The following ZNF469 variants were observed in gnomAD, a reference collection of about 807,000 sequenced individuals.
ZNF469 encodes the protein zinc finger protein 469.
In ZNF469, 1 loss-of-function variant was observed where a neutral mutation model predicts 1.0. That is an observed-to-expected ratio of 1.00 (90% CI 0.35 to 4.73). The LOEUF is 4.73. ZNF469 is among the 30% of genes most tolerant of loss of function. The pLI is 0.16. For synonymous variants in ZNF469, 2,703 were observed against 2,363.4 expected (o/e 1.14, Z -4.17); for missense variants, 6,100 against 5,356.3 (o/e 1.14, Z -4.33).
chr16:88,110,423 G>C, the ZNF469 span, among the ~76,000 whole-genome samples: 1 of 152,384 alleles, frequency 6.6e-6, no homozygotes, highest in East Asian at 1.9e-4. Flanking sequence ...TTCTCTGGCA[G>C]GGGCTGGCTC....
chr16:88,428,266 G>C lies in ZNF469; in HGVS notation c.796G>C (p.Gly266Arg). 6.4e-7 allele frequency: 1 copy of C among 1,550,402 alleles called. No homozygotes were observed. Among genetic ancestry groups the C allele is most frequent in the Admixed American group, 2.0e-5 (1 of 51,008 alleles). ...EPIPKGSRPG[G>R]SPRGVSFQFP... is the part of the protein sequence containing the mutation. Reference sequence around the variant, plus strand: ...TATTCCCAAAGGCAGCAGGCCCGGCGGCAGCCCCAGGGGAGTTTCCTTCCA... The same window carrying C: ...TATTCCCAAAGGCAGCAGGCCCGGCCGCAGCCCCAGGGGAGTTTCCTTCCA... Residue 266 changes from glycine (G) to arginine (R), a missense_variant, in exon 3 of 3, where the codon GGC becomes CGC. Transcript: ENST00000565624.
chr16:88,370,402 G>A, the ZNF469 span, among the ~76,000 whole-genome samples: 1 of 152,186 alleles, frequency 6.6e-6, no homozygotes, highest in Non-Finnish European at 1.5e-5. Context: ...ATGACACAGA[G>A]TTGCCAGAAC....
rs557062854 is a variant in ZNF469, at chr16:88,390,884, C to T, written c.-192+7630C>T. On this transcript the variant is annotated intron_variant, in intron 1 of 2. Transcript: ENST00000565624. ...TCCCCAGCAAAGGAAGCAGCATAGG[C>T]AAAGGCGCAGAGACACATTCCTCTT... 5.9e-5 allele frequency among the ~76,000 whole-genome samples: 9 copies of T among 152,372 alleles called. No individual in the cohort carries two copies. The East Asian group carries it at 1.5e-3, about 26-fold the overall frequency.
upstream of ZNF469, among the ~76,000 whole-genome samples, chr16:88,380,283 G>GCA (rs71654152): frequency 5.5e-4 from 50 of 90,622 alleles, 2 homozygotes; most frequent in Middle Eastern, 9.6e-3. Flanking sequence ...ACCCAGACAT[G>GCA]CACACACACA....
rs1225083595 is a variant in ZNF469, at chr16:88,436,415, A to G, written c.8945A>G (p.Asp2982Gly). 20 of 1,549,214 alleles carry G rather than the reference A, an allele frequency of 1.3e-5. No homozygotes were observed. In the East Asian group the frequency reaches 4.6e-4, roughly 36 times the overall value. ...EKLPSHCPEDDRPEAIPELHM... is the reference protein window; with the variant it reads ...EKLPSHCPEDGRPEAIPELHM... ...CTGCCCTCCCACTGCCCCGAGGACG[A>G]TCGGCCGGAGGCCATTCCTGAGCTG... Residue 2982 changes from aspartate to glycine, a missense_variant, in exon 3 of 3, where the codon GAT becomes GGT. By Grantham distance (94) the Asp-to-Gly change is moderately conservative. Coordinates refer to ENST00000565624, the MANE Select transcript of ZNF469 (RefSeq NM_001367624.2).
chr16:88,284,463 A>G, the ZNF469 span, among the ~76,000 whole-genome samples: 1 of 152,102 alleles, frequency 6.6e-6, no homozygotes, highest in South Asian at 2.1e-4. Context: ...AAAAAAATAA[A>G]TACATAAAAT....
chr16:88,260,499 T>C, the ZNF469 span, among the ~76,000 whole-genome samples: 1 of 152,182 alleles, frequency 6.6e-6, no homozygotes, highest in African/African-American at 2.4e-5. The surrounding 1 kb of genome is among the most constrained non-coding windows in gnomAD (Gnocchi z 4.1). Flanking sequence ...CACACACGTG[T>C]CCCTTGTGTT....
At chr16:88,285,068 C>T in the ZNF469 span, among the ~76,000 whole-genome samples, 1 of 152,262 alleles carries the variant, frequency 6.6e-6, no homozygotes, top group African/African-American at 2.4e-5. Flanking sequence ...AGGCGCATTG[C>T]CCATGCCTGG....
chr16:88,380,800 ACATGCACACACACC>A (rs2092520607), upstream of ZNF469, among the ~76,000 whole-genome samples: 1 of 146,000 alleles, frequency 6.8e-6, no homozygotes, highest in African/African-American at 2.6e-5. Context: ...ATGCACTCAC[ACATGCACACACACC>A]CAGACACACA....
At chr16:88,376,131 G>T in the ZNF469 span, among the ~76,000 whole-genome samples, 8 of 152,262 alleles carry the variant, frequency 5.3e-5, no homozygotes, top group Admixed American at 3.9e-4. Context: ...TCACGGCGCA[G>T]CCGGGCCACA....
At chr16:88,397,637 A>G (rs1378855819) in intron 1 of ZNF469, among the ~76,000 whole-genome samples, 1 of 73,962 alleles carries the variant, frequency 1.4e-5, no homozygotes, top group African/African-American at 8.1e-5. Flanking sequence ...GGATGGATGG[A>G]TGGATGGATA....
At chr16:88,335,249 G>T in the ZNF469 span, among the ~76,000 whole-genome samples, 6 of 152,148 alleles carry the variant, frequency 3.9e-5, no homozygotes, top group Non-Finnish European at 8.8e-5. Context: ...GTCAGATGCA[G>T]GCCAGGCTCT....
At position 88,439,173 on chromosome 16, in the gene ZNF469, G is replaced by A; in HGVS notation, c.11703G>A (p.Leu3901=). 6.4e-7 allele frequency: 1 copy of A among 1,550,514 alleles called. No homozygotes were observed. The highest frequency in any genetic ancestry group is 1.4e-5 in the African/African-American group (1 of 73,186). ...LGKAFPQGRP[L]LRPPKRGTAV... is the part of the protein sequence containing the mutation. The stretch of plus-strand genomic sequence containing the variant: ...AGGCCTTCCCCCAGGGGAGACCCCT[G>A]CTCAGGCCCCCCAAGAGGGGCACAG... Residue 3901 remains leucine (L), a synonymous_variant, in exon 3 of 3, where the codon CTG becomes CTA. Coordinates refer to ENST00000565624, the MANE Select transcript of ZNF469 (RefSeq NM_001367624.2).
the ZNF469 span, among the ~76,000 whole-genome samples, chr16:88,143,231 G>C: frequency 1.7e-4 from 26 of 152,350 alleles, no homozygotes; most frequent in Non-Finnish European, 3.4e-4. Flanking sequence ...TTGTGCCTCA[G>C]TTTCCCCCTG....
At chr16:88,392,588 T>C (rs1359914772) in intron 1 of ZNF469, among the ~76,000 whole-genome samples, 1 of 152,238 alleles carries the variant, frequency 6.6e-6, no homozygotes, top group Non-Finnish European at 1.5e-5. Context: ...GTCTGGGGTC[T>C]GCATCTGAGG....
At chr16:88,401,735 ATGGATGGGTGAT>A (rs1904875238) in intron 1 of ZNF469, among the ~76,000 whole-genome samples, 1 of 114,902 alleles carries the variant, frequency 8.7e-6, no homozygotes, top group East Asian at 2.6e-4. Context: ...GGATGGGTGG[ATGGATGGGTGAT>A]TGGATGGATG....
At chr16:88,401,974 A>G (rs370287256) in intron 1 of ZNF469, among the ~76,000 whole-genome samples, 23,955 of 114,518 alleles carry the variant, frequency 0.21, 239 homozygotes, top group African/African-American at 0.33. Flanking sequence ...GTGGATGGAT[A>G]GATACGTGGG....
chr16:88,247,031 GTGAATGAGTGAATGAA>G, the ZNF469 span, among the ~76,000 whole-genome samples: 1 of 132,700 alleles, frequency 7.5e-6, no homozygotes, highest in Non-Finnish European at 1.6e-5. Context: ...GAGTGAATGA[GTGAATGAGTGAATGAA>G]TGAGTGAGTG....
the ZNF469 span, among the ~76,000 whole-genome samples, chr16:88,237,182 T>TCCCTGCCCTCCGTGCTCCTGCCACG: frequency 1.8e-5 from 1 of 56,870 alleles, no homozygotes; most frequent in African/African-American, 7.7e-5. Context: ...CTCCTGCCAC[T>TCCCTGCCCTCCGTGCTCCTGCCACG]CACCCTCCCT....
Sources: allele counts gnomAD v4.1 joint callset (sites outside exome capture counted in the v4.1 genomes callset), GRCh38; gene constraint gnomAD v4.1.1; non-coding constraint Gnocchi (gnomAD v3.1); transcripts MANE v1.5; gene names NCBI Gene and HGNC (gene_info 2026-07-23, HGNC 2026-07-21).